The following ADAM12 variants were observed in gnomAD, a reference collection of about 807,000 sequenced individuals.
The protein encoded by ADAM12 is disintegrin and metalloproteinase domain-containing protein 12.
A neutral mutation model predicts 106.4 loss-of-function variants in ADAM12; 70 were observed. That is an observed-to-expected ratio of 0.66 (90% confidence interval 0.54 to 0.80). The LOEUF is 0.80. Among genes scored for constraint, ADAM12 ranks in the 30% least tolerant of loss-of-function variants. The probability of loss-of-function intolerance (pLI) is 0.00; values close to 1 mark genes in which losing one functional copy is unlikely to be tolerated. For missense variants in ADAM12, 1,010 were observed against 1,171.9 expected, an observed-to-expected ratio of 0.86 and a Z score of 2.02; for synonymous variants, 420 against 433.5, an observed-to-expected ratio of 0.97 and a Z score of 0.39.
chr10:126,257,203 C>A (rs1241604746), intron 3 of ADAM12, among the ~76,000 whole-genome samples: 2 of 152,210 alleles, frequency 1.3e-5, no homozygotes, highest in East Asian at 3.8e-4. Flanking sequence ...CAATGACACA[C>A]ACAGTTACCC....
chr10:126,332,418 C>T (rs1042648748), intron 1 of ADAM12, among the ~76,000 whole-genome samples: 7 of 152,054 alleles, frequency 4.6e-5, no homozygotes, highest in Non-Finnish European at 7.4e-5. Flanking sequence ...GAGAGAAAAA[C>T]GATGAAAAGA....
intron 5 of ADAM12, among the ~76,000 whole-genome samples, chr10:126,124,709 A>G (rs147385518): frequency 0.011 from 1,728 of 152,064 alleles, 33 homozygotes; most frequent in African/African-American, 0.039. Flanking sequence ...CCTGGGCAAC[A>G]TTGTGAAACC....
At position 126,143,587 on chromosome 10, in the gene ADAM12, G is replaced by A. The variant is rs111072412; in HGVS notation, c.340-7927C>T. Among the ~76,000 whole-genome samples the A allele has an allele frequency of 1.7e-4, 8 of 47,984 alleles. No individual in the cohort carries two copies. The East Asian group carries it at 6.6e-3, about 39-fold the overall frequency. 31.5% of individuals were successfully genotyped at this position (47,984 alleles called of 152,430 possible). On this transcript the variant is annotated intron_variant, in intron 4 of 22. Coordinates refer to ENST00000448723, the MANE Select transcript of ADAM12 (RefSeq NM_001288973.2). ...TGGGCACATGTGTATATTTGTGTGT[G>A]TATATGCATGTATCTGTATGTATAT... is the stretch of plus-strand genomic sequence containing the variant.
At chr10:126,325,857 C>A (rs1235454702) in intron 2 of ADAM12, among the ~76,000 whole-genome samples, 5 of 152,196 alleles carry the variant, frequency 3.3e-5, no homozygotes, top group Non-Finnish European at 7.3e-5. Context: ...ATCGTTTCAT[C>A]TCATTCTCAC....
At chr10:126,247,392 G>A (rs565888868) in intron 3 of ADAM12, among the ~76,000 whole-genome samples, 3 of 152,146 alleles carry the variant, frequency 2.0e-5, no homozygotes, top group East Asian at 1.9e-4. Context: ...AACCAGCAAC[G>A]AGGCAAACTT....
rs1403712685 is a variant in ADAM12 at position 126,049,749 on chromosome 10, TACGGGG to T, written c.1610-86_1610-81del. On this transcript the variant is annotated intron_variant, in intron 14 of 22. Coordinates refer to ENST00000448723, the MANE Select transcript of ADAM12 (RefSeq NM_001288973.2). The surrounding 1 kb of genome is among the most constrained non-coding windows in gnomAD (Gnocchi z 4.4). ...CATGGCTGTAGGCCTCTCAAATGGT[TACGGGG>T]AGACGTGCTCAAAGCAATCACACCC... 1.6e-6 allele frequency: 2 copies of T among 1,259,024 alleles called. No individual in the cohort carries two copies. Among genetic ancestry groups the T allele is most frequent in the African/African-American group, 1.5e-5 (1 of 66,892 alleles). 78.0% of individuals were successfully genotyped at this position (1,259,024 alleles called of 1,614,324 possible). A position where few individuals can be genotyped will look rare whatever the true frequency, so the allele number is the denominator to read the frequency against.
At chr10:126,209,234 G>T (rs755984810) in intron 3 of ADAM12, among the ~76,000 whole-genome samples, 1 of 152,194 alleles carries the variant, frequency 6.6e-6, no homozygotes, top group Non-Finnish European at 1.5e-5. Context: ...ATGAAAAGGG[G>T]TAAAAAGCTA....
intron 1 of ADAM12, among the ~76,000 whole-genome samples, chr10:126,334,283 T>A (rs935522245): frequency 1.3e-5 from 2 of 152,192 alleles, no homozygotes; most frequent in African/African-American, 4.8e-5. Context: ...TTGCATATAT[T>A]TTATTTTTCA....
Position 126,330,491 on chromosome 10 carries a change from T to C in ADAM12, c.107A>G (p.Gln36Arg), listed in dbSNP as rs749632877. Reference sequence around the variant, plus strand: ...ACTGACAACTTCATCAGCTCTTCCTTGGTTCCATAAGCTCACCCCTGAATC... The same window carrying C: ...ACTGACAACTTCATCAGCTCTTCCTCGGTTCCATAAGCTCACCCCTGAATC... Reference protein sequence around the residue: ...CEARGVSLWNQGRADEVVSAS... With the variant: ...CEARGVSLWNRGRADEVVSAS... Residue 36 changes from glutamine (Q) to arginine (R), a missense_variant, in exon 2 of 23, where the codon CAA (glutamine) becomes CGA (arginine). Around this residue, in one of 3 missense-constraint regions of ADAM12, gnomAD observed 391 missense variants for 442.9 expected, o/e 0.88. Transcript: ENST00000448723. 9.3e-6 allele frequency: 15 copies of C among 1,613,808 alleles called. No homozygotes were observed. The highest frequency in any genetic ancestry group is 1.3e-5 in the Non-Finnish European group (15 of 1,179,978).
intron 10 of ADAM12, among the ~76,000 whole-genome samples, chr10:126,097,727 A>T (rs1432147647): frequency 6.6e-6 from 1 of 152,188 alleles, no homozygotes; most frequent in Non-Finnish European, 1.5e-5. Context: ...CCTCTCCTTT[A>T]ATTATCTGAT....
chr10:126,276,836 A>G (rs770355158), intron 3 of ADAM12, among the ~76,000 whole-genome samples: 1 of 152,184 alleles, frequency 6.6e-6, no homozygotes, highest in African/African-American at 2.4e-5. Flanking sequence ...AAATTAAGTC[A>G]CCTTTTAAAA....
intron 4 of ADAM12, among the ~76,000 whole-genome samples, chr10:126,144,373 TA>T (rs1956585884): frequency 2.6e-5 from 4 of 152,230 alleles, no homozygotes; most frequent in Non-Finnish European, 5.9e-5. Flanking sequence ...AAGGCATTGT[TA>T]CAAATCTGGA....
Position 126,225,530 on chromosome 10 carries a change from G to A in ADAM12, c.260+53385C>T, listed in dbSNP as rs553135326. Among the ~76,000 whole-genome samples, 7 of 152,288 alleles carry A rather than the reference G, an allele frequency of 4.6e-5. 1 individual carries two copies. The South Asian group carries it at 1.2e-3, about 27-fold the overall frequency. ...TCATTTGGAAAATCGGTTTTTAGCCGTGAGCCCGACTGCATAACTGGGCGG... is the reference window on the plus strand; with the variant it reads ...TCATTTGGAAAATCGGTTTTTAGCCATGAGCCCGACTGCATAACTGGGCGG... On this transcript the variant is annotated intron_variant, in intron 3 of 22. Coordinates refer to ENST00000448723, the MANE Select transcript of ADAM12 (RefSeq NM_001288973.2).
At chr10:126,383,465 T>C (rs2133939181) in intron 1 of ADAM12, among the ~76,000 whole-genome samples, 1 of 152,018 alleles carries the variant, frequency 6.6e-6, no homozygotes, top group East Asian at 1.9e-4. Flanking sequence ...TATAAGAAAG[T>C]ATACTAAAAC....
At chr10:126,119,779 C>T (rs1457985043) in intron 5 of ADAM12, among the ~76,000 whole-genome samples, 4 of 152,216 alleles carry the variant, frequency 2.6e-5, no homozygotes, top group Non-Finnish European at 5.9e-5. Flanking sequence ...AAGGCCACAT[C>T]CCACTGCCTG....
intron 14 of ADAM12, among the ~76,000 whole-genome samples, chr10:126,055,349 AG>A (rs1331726067): frequency 6.6e-6 from 1 of 152,200 alleles, no homozygotes; most frequent in Non-Finnish European, 1.5e-5. Context: ...ACTCAACCCT[AG>A]AACAAAGATC....
chr10:126,134,218 T>TA (rs1303513518), intron 5 of ADAM12, among the ~76,000 whole-genome samples: 1 of 152,110 alleles, frequency 6.6e-6, no homozygotes, highest in African/African-American at 2.4e-5. Flanking sequence ...AAAAATGCTT[T>TA]TAAAAAAATG....
chr10:126,217,961 C>T (rs1053585971), intron 3 of ADAM12, among the ~76,000 whole-genome samples: 1 of 146,984 alleles, frequency 6.8e-6, no homozygotes, highest in African/African-American at 2.5e-5. Flanking sequence ...GGTAACAGAG[C>T]AAGACTCTGT....
rs143873952 is a variant in ADAM12 at position 126,078,406 on chromosome 10, G to A, written c.1146-6752C>T. Among the ~76,000 whole-genome samples, 33 of 152,058 alleles carry A rather than the reference G, an allele frequency of 2.2e-4. No homozygotes were observed. The East Asian group carries it at 2.9e-3, about 13-fold the overall frequency. On this transcript the variant is annotated intron_variant, in intron 11 of 22. Coordinates refer to ENST00000448723, the MANE Select transcript of ADAM12 (RefSeq NM_001288973.2). Reference sequence around the variant, plus strand: ...CTCCTATCTCATTTCCTCTCCAGCCGTTCTCCAAGGCCCATATAATTCCAC... The same window carrying A: ...CTCCTATCTCATTTCCTCTCCAGCCATTCTCCAAGGCCCATATAATTCCAC...
Sources: gnomAD v4.1 joint callset for allele counts (sites outside exome capture counted in the v4.1 genomes callset) on GRCh38, gnomAD v4.1.1 for gene constraint, gnomAD v4.1.1 regional missense constraint, Gnocchi (gnomAD v3.1) non-coding constraint, MANE v1.5 for transcripts, NCBI Gene and HGNC (gene_info 2026-07-23, HGNC 2026-07-21) for gene names.